The following WWC1 variants were observed in gnomAD, a reference collection of about 807,000 sequenced individuals.
WWC1 encodes WW and C2 domain containing 1, also known as protein KIBRA.
WWC1 carries 55 observed loss-of-function variants against 138.4 expected under a neutral mutation model. That is an observed-to-expected ratio of 0.40 (90% CI 0.32 to 0.50). The LOEUF (loss-of-function observed/expected upper bound fraction) is 0.50, where lower values mean the gene tolerates loss of function less well. Among genes scored for constraint, WWC1 ranks in the 20% least tolerant of loss-of-function variants. The pLI is 0.72. For missense variants in WWC1, 1,226 were observed against 1,420.4 expected (o/e 0.86, Z 2.20); for synonymous variants, 524 against 564.9 (o/e 0.93, Z 1.03).
At chr5:168,380,709 C>T (rs942188224) in intron 2 of WWC1, among the ~76,000 whole-genome samples, 4 of 152,110 alleles carry the variant, frequency 2.6e-5, no homozygotes, top group African/African-American at 4.8e-5. Flanking sequence ...CATGCCCACA[C>T]GAAGACTTAG....
At chr5:168,455,564 G>T in intron 19 of WWC1, 44 bp downstream of exon 19, 1 of 1,592,632 alleles carries the variant, frequency 6.3e-7, no homozygotes, top group South Asian at 1.2e-5. Context: ...CAGGGTAGCC[G>T]AGAGCTTCAC....
At position 168,332,145 on chromosome 5, in the gene WWC1, CAA is replaced by C. The variant is rs58312732; in HGVS notation, c.120-39266_120-39265del. Among the ~76,000 whole-genome samples, 390 of 126,252 alleles carry C rather than the reference CAA, an allele frequency of 3.1e-3. 2 individuals are homozygous for C. The highest frequency in any genetic ancestry group is 0.01 in the African/African-American group (354 of 34,514). The allele number at this position is 126,252 out of a possible 152,430, so 82.8% of individuals were successfully genotyped here. On this transcript the variant is annotated intron_variant, in intron 1 of 22. Transcript: ENST00000265293. ...CAGGTGACAGAGTGAGATTCTGTCTCAAAAAAAAAAAAAAGATAAAAAATAAA... is the reference window on the plus strand; with the variant it reads ...CAGGTGACAGAGTGAGATTCTGTCTCAAAAAAAAAAAAGATAAAAAATAAA...
At position 168,403,074 on chromosome 5, in the gene WWC1, C is replaced by A. The variant is rs866539821; in HGVS notation, c.591-3124C>A. Reference sequence around the variant, plus strand: ...TCTTTCTTTCTTTCTTTCTTTCTTTCTTTCTTTTCTTTCTTTTCTTTCTTT... The same window carrying A: ...TCTTTCTTTCTTTCTTTCTTTCTTTATTTCTTTTCTTTCTTTTCTTTCTTT... On this transcript the variant is annotated intron_variant, in intron 5 of 22. Coordinates refer to ENST00000265293, the MANE Select transcript of WWC1 (RefSeq NM_015238.3). Among the ~76,000 whole-genome samples the A allele has an allele frequency of 3.5e-5, 4 of 113,536 alleles. No homozygotes were observed. In the South Asian group the frequency reaches 8.4e-4, roughly 24 times the overall value. The allele number at this position is 113,536 out of a possible 152,430, so 74.5% of individuals were successfully genotyped here.
At chr5:168,446,543 C>T (rs1353004089) in intron 17 of WWC1, among the ~76,000 whole-genome samples, 1 of 152,170 alleles carries the variant, frequency 6.6e-6, no homozygotes, top group Non-Finnish European at 1.5e-5. Context: ...GCAGAAAATT[C>T]ACCTAAGCAT....
intron 2 of WWC1, among the ~76,000 whole-genome samples, chr5:168,377,679 A>G (rs1047216861): frequency 6.6e-5 from 10 of 152,240 alleles, no homozygotes; most frequent in African/African-American, 2.4e-4. Flanking sequence ...ATATGAAAAA[A>G]TGCTCCACAT....
At chr5:168,448,190 C>A (rs980470497) in intron 17 of WWC1, among the ~76,000 whole-genome samples, 1 of 152,162 alleles carries the variant, frequency 6.6e-6, no homozygotes, top group Non-Finnish European at 1.5e-5. Context: ...CCCCCTCCCC[C>A]AAGACTGGAA....
intron 1 of WWC1, among the ~76,000 whole-genome samples, chr5:168,342,138 A>G (rs1774084926): frequency 6.6e-6 from 1 of 152,180 alleles, no homozygotes; most frequent in Non-Finnish European, 1.5e-5. Context: ...AATGGGGAGC[A>G]CTGGGGGGAC....
At chr5:168,435,978 G>A (rs1273065625) in intron 15 of WWC1, among the ~76,000 whole-genome samples, 1 of 152,110 alleles carries the variant, frequency 6.6e-6, no homozygotes, top group African/African-American at 2.4e-5. Context: ...AAGTAGCTGG[G>A]ACTATAGGCA....
At chr5:168,405,697 C>G (rs962633439) in intron 5 of WWC1, among the ~76,000 whole-genome samples, 4 of 147,016 alleles carry the variant, frequency 2.7e-5, no homozygotes, top group Non-Finnish European at 6.0e-5. Context: ...CAGGGACTTT[C>G]TATGCCTTTT....
chr5:168,331,129 G>C (rs1167214887), intron 1 of WWC1, among the ~76,000 whole-genome samples: 12 of 152,194 alleles, frequency 7.9e-5, no homozygotes, highest in Non-Finnish European at 5.9e-5. Context: ...TGGGGGCTGT[G>C]TGGATACATT....
chr5:168,430,020 C>T (rs2152859362), intron 13 of WWC1, 117 bp from the exon 14 acceptor site: 2 of 729,706 alleles, frequency 2.7e-6, no homozygotes, highest in Middle Eastern at 2.3e-4. Context: ...TGCTCTAGAG[C>T]TCACCATAGG....
intron 2 of WWC1, among the ~76,000 whole-genome samples, chr5:168,378,661 T>A (rs1038481297): frequency 2.6e-5 from 4 of 152,214 alleles, no homozygotes; most frequent in Non-Finnish European, 5.9e-5. Context: ...TTGGTGAATA[T>A]TTCCAAAAGA....
chr5:168,321,704 A>G (rs1056884066), intron 1 of WWC1, among the ~76,000 whole-genome samples: 10 of 151,760 alleles, frequency 6.6e-5, no homozygotes, highest in Non-Finnish European at 1.2e-4. Flanking sequence ...CGCCCGGCTA[A>G]TTTTGTATTT....
At position 168,428,782 on chromosome 5, in the gene WWC1, C is replaced by A. The variant is rs1314453357; in HGVS notation, c.1995C>A (p.Ala665=). The part of the protein sequence containing the change: ...EAVGATRIQI[A]LKYDEKNKQF... ...TGGGTGCGACCCGAATTCAGATTGC[C>A]CTGAAGTAAGTGACGAGGACGAGGA... Residue 665 remains alanine, a synonymous_variant, in exon 13 of 23, where the codon GCC becomes GCA. Transcript: ENST00000265293. The A allele has an allele frequency of 6.2e-7, 1 of 1,613,612 alleles. No homozygotes were observed. The highest frequency in any genetic ancestry group is 1.7e-5 in the Admixed American group (1 of 59,974).
At chr5:168,317,842 C>T (rs755821010) in intron 1 of WWC1, among the ~76,000 whole-genome samples, 70 of 152,266 alleles carry the variant, frequency 4.6e-4, no homozygotes, top group Non-Finnish European at 8.1e-4. Flanking sequence ...CACTGCCTGC[C>T]TTTGTGAGAG....
intron 14 of WWC1, among the ~76,000 whole-genome samples, chr5:168,430,896 C>T (rs992751646): frequency 1.3e-5 from 2 of 152,128 alleles, no homozygotes; most frequent in African/African-American, 4.8e-5. Context: ...GGCAGGAAGG[C>T]GGACAAAACG....
intron 1 of WWC1, among the ~76,000 whole-genome samples, chr5:168,300,596 A>ATGAAGC (rs397972498): frequency 1.3e-5 from 2 of 149,232 alleles, no homozygotes; most frequent in Admixed American, 6.7e-5. Context: ...AAAAAAAAAA[A>ATGAAGC]TGAAGCTGCA....
At position 168,408,560 on chromosome 5, in the gene WWC1, C is replaced by T. The variant is rs143046084; in HGVS notation, c.774C>T (p.Asp258=). 8.1e-6 allele frequency: 13 copies of T among 1,614,120 alleles called. No homozygotes were observed. The highest frequency in any genetic ancestry group is 1.1e-5 in the Non-Finnish European group (13 of 1,180,046). ...GCACTGACAGGGGGTCTCACTCAGA[C>T]CTGTGGTCCAGCAGCAGCTCTCTGG... is the stretch of plus-strand genomic sequence containing the variant. The part of the protein sequence containing the change: ...GFRTDRGSHS[D]LWSSSSSLES... Residue 258 remains aspartate (D), a synonymous_variant, in exon 7 of 23, where the codon GAC becomes GAT. Coordinates refer to ENST00000265293, the MANE Select transcript of WWC1 (RefSeq NM_015238.3).
Position 168,291,978 on chromosome 5 carries a change from G to T in WWC1, c.-175G>T. The T allele has an allele frequency of 3.3e-6, 2 of 613,604 alleles. No individual in the cohort carries two copies. The highest frequency in any genetic ancestry group is 4.8e-6 in the Non-Finnish European group (2 of 417,780). The allele number at this position is 613,604 out of a possible 1,614,324, so 38.0% of individuals were successfully genotyped here. A position where few individuals can be genotyped will look rare whatever the true frequency, so the allele number is the denominator to read the frequency against. ...GGCGCCGGGTCGGGGCTGCAGGGCC[G>T]CATGGACAGCGGCGCCACCCCGGCC... On this transcript the variant is annotated 5_prime_UTR_variant, in exon 1 of 23. Coordinates refer to ENST00000265293, the MANE Select transcript of WWC1 (RefSeq NM_015238.3).
Sources: gnomAD v4.1 joint callset for allele counts (sites outside exome capture counted in the v4.1 genomes callset) on GRCh38, gnomAD v4.1.1 for gene constraint, MANE v1.5 for transcripts, NCBI Gene and HGNC (gene_info 2026-07-23, HGNC 2026-07-21) for gene names.